Variants in ALOX5AP observed in about 807,000 individuals in gnomAD.
ALOX5AP encodes arachidonate 5-lipoxygenase-activating protein.
A neutral mutation model predicts 18.5 loss-of-function variants in ALOX5AP; 9 were observed. That is an observed-to-expected ratio of 0.49 (90% CI 0.29 to 0.85). The LOEUF is 0.85. Among genes scored for constraint, ALOX5AP ranks in the 40% least tolerant of loss-of-function variants. The probability of loss-of-function intolerance (pLI) is 0.08; values close to 1 mark genes in which losing one functional copy is unlikely to be tolerated. For missense variants in ALOX5AP, 172 were observed against 202.5 expected (o/e 0.85, Z 0.91); for synonymous variants, 81 against 78.6 (o/e 1.03, Z -0.16).
intron 3 of ALOX5AP, among the ~76,000 whole-genome samples, chr13:30,752,850 T>C (rs775654743): frequency 1.3e-5 from 2 of 152,226 alleles, no homozygotes; most frequent in African/African-American, 4.8e-5. Flanking sequence ...TTATGTCCCT[T>C]ATTACCTTTC....
rs751270492 is a variant in ALOX5AP, at chr13:30,763,845, A to G, written c.324-99A>G. 13 of 1,169,872 alleles carry G rather than the reference A, an allele frequency of 1.1e-5. No homozygotes were observed. In the South Asian group the frequency reaches 1.8e-4, roughly 16 times the overall value. 72.5% of individuals were successfully genotyped at this position (1,169,872 alleles called of 1,614,324 possible). A position where few individuals can be genotyped will look rare whatever the true frequency, so the allele number is the denominator to read the frequency against. ...GCATTGTTGAGTCCAGGGAGCTATA[A>G]TTTAAACCCCATATATCTAAAAGGG... On this transcript the variant is annotated intron_variant, in intron 4 of 4. Transcript: ENST00000380490.
chr13:30,743,414 G>T (rs1459052557), intron 1 of ALOX5AP, among the ~76,000 whole-genome samples: 1 of 151,912 alleles, frequency 6.6e-6, no homozygotes, highest in African/African-American at 2.4e-5. Flanking sequence ...TAAATGTCTG[G>T]CATGTGGCAA....
Position 30,717,904 on chromosome 13 carries a change from GC to G in ALOX5AP, c.116+4065del, listed in dbSNP as rs898266160. On this transcript the variant is annotated intron_variant, in intron 1 of 5. Transcript: ENST00000617770. ...GGGGTGGGGTCAAGATTAGAGTCCT[GC>G]CTTGACGGGCAGGTGAAAGGGGTAG... Among the ~76,000 whole-genome samples, 128 of 152,180 alleles carry G rather than the reference GC, an allele frequency of 8.4e-4. 2 individuals carry two copies. Among genetic ancestry groups the G allele is most frequent in the Admixed American group, 8.4e-3 (128 of 15,298 alleles).
intron 4 of ALOX5AP, among the ~76,000 whole-genome samples, chr13:30,761,920 A>G (rs763302531): frequency 1.2e-4 from 19 of 152,220 alleles, no homozygotes; most frequent in Non-Finnish European, 8.8e-5. Flanking sequence ...TAAAGATTCA[A>G]CATATGAATT....
At chr13:30,759,338 T>TGGGC (rs1469624340) in intron 4 of ALOX5AP, among the ~76,000 whole-genome samples, 5 of 152,134 alleles carry the variant, frequency 3.3e-5, no homozygotes, top group Non-Finnish European at 7.4e-5. Context: ...CAATGGTGGG[T>TGGGC]GGGCAATGAC....
intron 1 of ALOX5AP, among the ~76,000 whole-genome samples, chr13:30,717,715 A>C (rs990868326): frequency 6.6e-6 from 1 of 152,196 alleles, no homozygotes; most frequent in African/African-American, 2.4e-5. Flanking sequence ...CTCTCAGTAC[A>C]TGAATGAGTT....
chr13:30,757,597 C>T (rs1022715705), intron 4 of ALOX5AP, among the ~76,000 whole-genome samples: 3 of 152,106 alleles, frequency 2.0e-5, no homozygotes, highest in African/African-American at 4.8e-5. Context: ...TTCTCTTTTG[C>T]CTGGCTCCCT....
intron 1 of ALOX5AP, among the ~76,000 whole-genome samples, chr13:30,741,250 T>G (rs963825661): frequency 1.3e-5 from 2 of 149,304 alleles, no homozygotes; most frequent in Non-Finnish European, 3.0e-5. Flanking sequence ...AGCCTACAGG[T>G]GCCTGCCACC....
chr13:30,750,138 A>G (rs529104280), intron 2 of ALOX5AP, among the ~76,000 whole-genome samples: 2 of 152,240 alleles, frequency 1.3e-5, no homozygotes, highest in Non-Finnish European at 1.5e-5. Context: ...CATTTCTAAC[A>G]TGTTCTCGAT....
chr13:30,729,684 C>A (rs562751038), intron 1 of ALOX5AP, among the ~76,000 whole-genome samples: 3 of 150,536 alleles, frequency 2.0e-5, no homozygotes, highest in African/African-American at 7.3e-5. Context: ...TCAAGTGATT[C>A]TCCTGCCTCA....
intron 1 of ALOX5AP, among the ~76,000 whole-genome samples, chr13:30,722,735 A>G (rs1223290821): frequency 1.3e-5 from 2 of 152,248 alleles, no homozygotes; most frequent in African/African-American, 2.4e-5. Context: ...TTTTGGTCAT[A>G]GTGATAAATG....
exon 1 of ALOX5AP, chr13:30,713,677 A>G (rs1951526623): frequency 4.6e-6 from 6 of 1,296,484 alleles, no homozygotes; most frequent in African/African-American, 1.5e-5. Flanking sequence ...AGAACTCTGT[A>G]GAACTGACTT....
chr13:30,752,037 T>G lies in ALOX5AP; in HGVS notation c.171-15T>G. ...GGTCTCTGATTGTTTTTCTCCTTGT[T>G]TGTTTATTCTGCAGCCAGAACTGTG... On this transcript the variant is annotated splice_polypyrimidine_tract_variant and intron_variant, in intron 2 of 4. Transcript: ENST00000380490. 6.2e-7 allele frequency: 1 copy of G among 1,613,622 alleles called. No homozygotes were observed. Among genetic ancestry groups the G allele is most frequent in the Non-Finnish European group, 8.5e-7 (1 of 1,179,518 alleles).
At chr13:30,728,043 T>C (rs1383456175) in intron 1 of ALOX5AP, among the ~76,000 whole-genome samples, 1 of 152,156 alleles carries the variant, frequency 6.6e-6, no homozygotes, top group Non-Finnish European at 1.5e-5. Context: ...AATAGCATCA[T>C]TGCAAATATA....
intron 2 of ALOX5AP, among the ~76,000 whole-genome samples, chr13:30,749,835 G>T (rs1471101421): frequency 6.6e-6 from 1 of 152,160 alleles, no homozygotes; most frequent in Non-Finnish European, 1.5e-5. Context: ...GGACCACGAA[G>T]ATTCCATTGG....
At chr13:30,755,160 AGAACGCAGAGG>A (rs1951882876) in intron 3 of ALOX5AP, among the ~76,000 whole-genome samples, 1 of 152,012 alleles carries the variant, frequency 6.6e-6, no homozygotes, top group African/African-American at 2.4e-5. Context: ...CCAAAAGGCT[AGAACGCAGAGG>A]GAATCTCCTT....
intron 3 of ALOX5AP, among the ~76,000 whole-genome samples, chr13:30,753,091 G>A (rs922723800): frequency 3.3e-5 from 5 of 152,214 alleles, no homozygotes; most frequent in African/African-American, 1.2e-4. Flanking sequence ...GAGGTCACCT[G>A]GCGGTGAGGC....
At chr13:30,743,042 C>G (rs1951780549) in intron 1 of ALOX5AP, among the ~76,000 whole-genome samples, 1 of 152,064 alleles carries the variant, frequency 6.6e-6, no homozygotes, top group Admixed American at 6.5e-5. Flanking sequence ...TGACAACATT[C>G]CTCTGCTTAA....
chr13:30,731,568 T>C (rs1951680860), upstream of ALOX5AP, among the ~76,000 whole-genome samples: 1 of 152,154 alleles, frequency 6.6e-6, no homozygotes, highest in South Asian at 2.1e-4. Context: ...GGGGTCTTGC[T>C]ATGTTGCCCA....
Sources: allele counts gnomAD v4.1 joint callset (sites outside exome capture counted in the v4.1 genomes callset), GRCh38; gene constraint gnomAD v4.1.1; transcripts MANE v1.5; gene names NCBI Gene and HGNC (gene_info 2026-07-23, HGNC 2026-07-21).